Variants in GAS7 observed in about 807,000 individuals in gnomAD.
The protein encoded by GAS7 is growth arrest-specific protein 7.
In GAS7, 28 loss-of-function variants were observed where a neutral mutation model predicts 71.1. That is an observed-to-expected ratio of 0.39 (90% CI 0.29 to 0.54). GAS7 has a LOEUF of 0.54. GAS7 is among the 20% of genes least tolerant of loss of function. The pLI is 0.62. For missense variants in GAS7, 436 were observed against 627.8 expected, an observed-to-expected ratio of 0.69 and a Z score of 3.27; for synonymous variants, 258 against 245.8, an observed-to-expected ratio of 1.05 and a Z score of -0.46.
chr17:10,124,575 C>T (rs1015958734), intron 1 of GAS7, among the ~76,000 whole-genome samples: 3 of 152,154 alleles, frequency 2.0e-5, no homozygotes, highest in African/African-American at 7.2e-5. Flanking sequence ...GCTTAGCCAG[C>T]GAATGGGGCA....
chr17:10,071,456 C>T (rs1451285152), intron 1 of GAS7, among the ~76,000 whole-genome samples: 2 of 152,090 alleles, frequency 1.3e-5, no homozygotes, highest in African/African-American at 4.8e-5. Flanking sequence ...CAGAGAACAG[C>T]CAGACATGAG....
intron 2 of GAS7, among the ~76,000 whole-genome samples, chr17:10,019,039 G>C (rs2072155495): frequency 6.6e-6 from 1 of 152,152 alleles, no homozygotes; most frequent in South Asian, 2.1e-4. Flanking sequence ...GCCTGCAACA[G>C]TGCCCTTTGC....
At chr17:10,165,994 GCTTT>G (rs929343387) in intron 1 of GAS7, among the ~76,000 whole-genome samples, 3 of 150,368 alleles carry the variant, frequency 2.0e-5, no homozygotes, top group South Asian at 2.1e-4. Flanking sequence ...AGGACTCCTG[GCTTT>G]CTTTTTCTTT....
intron 3 of GAS7, among the ~76,000 whole-genome samples, chr17:9,976,915 C>A (rs2152124320): frequency 6.6e-6 from 1 of 152,298 alleles, no homozygotes; most frequent in South Asian, 2.1e-4. Context: ...GCCACAGATG[C>A]CTATTTGAAT....
At chr17:10,091,299 G>A (rs2073578878) in intron 1 of GAS7, among the ~76,000 whole-genome samples, 1 of 152,146 alleles carries the variant, frequency 6.6e-6, no homozygotes, top group South Asian at 2.1e-4. Context: ...TGATGAAAAT[G>A]TTTGGAATGA....
chr17:10,040,381 A>G (rs1331572537), intron 1 of GAS7, among the ~76,000 whole-genome samples: 1 of 152,188 alleles, frequency 6.6e-6, no homozygotes, highest in Non-Finnish European at 1.5e-5. Flanking sequence ...GCATCAGATC[A>G]TGGGAGGCCA....
chr17:10,191,539 G>C (rs1297288805), intron 1 of GAS7, among the ~76,000 whole-genome samples: 1 of 119,680 alleles, frequency 8.4e-6, no homozygotes, highest in Non-Finnish European at 1.7e-5. Flanking sequence ...CTGGGCAACA[G>C]AGCAAGACCC....
chr17:10,104,526 C>G (rs1249297611), intron 1 of GAS7, among the ~76,000 whole-genome samples: 1 of 152,206 alleles, frequency 6.6e-6, no homozygotes, highest in Non-Finnish European at 1.5e-5. Flanking sequence ...CCTGTCCCAG[C>G]TCTCCAGACC....
In GAS7 at chr17:9,912,207, A is replaced by G. The variant is rs2067457630; in HGVS notation, c.*5021T>C. ...TAATTTTAGCTCCATTTGAATCTAA[A>G]TGGAAAAGTACCACGGCATCTCTCT... On this transcript the variant is annotated 3_prime_UTR_variant, in exon 14 of 14. Transcript: ENST00000432992. The G allele has an allele frequency of 1.7e-5, 4 of 232,776 alleles. No individual in the cohort carries two copies. The East Asian group carries it at 2.4e-4, about 14-fold the overall frequency. The allele number at this position is 232,776 out of a possible 1,614,324, so 14.4% of individuals were successfully genotyped here.
intron 2 of GAS7, among the ~76,000 whole-genome samples, chr17:10,018,680 C>G (rs2072137276): frequency 6.6e-6 from 1 of 152,142 alleles, no homozygotes; most frequent in Non-Finnish European, 1.5e-5. Context: ...AAACCAGCTG[C>G]CTTCTTTGTG....
intron 2 of GAS7, among the ~76,000 whole-genome samples, chr17:9,992,640 C>T (rs765827235): frequency 5.3e-5 from 8 of 150,958 alleles, no homozygotes; most frequent in African/African-American, 1.9e-4. Context: ...TTTTAGGGTA[C>T]ATGTGCACAA....
At chr17:10,164,683 A>C (rs1014227744) in intron 1 of GAS7, among the ~76,000 whole-genome samples, 2 of 151,236 alleles carry the variant, frequency 1.3e-5, no homozygotes, top group Non-Finnish European at 2.9e-5. Context: ...CTCTCTTTAA[A>C]AATGAAAAAA....
At chr17:10,015,926 T>C (rs1286399809) in intron 2 of GAS7, among the ~76,000 whole-genome samples, 5 of 152,112 alleles carry the variant, frequency 3.3e-5, no homozygotes, top group Admixed American at 3.3e-4. Context: ...TCCTGATTGA[T>C]CAAATAGGTT....
intron 1 of GAS7, among the ~76,000 whole-genome samples, chr17:10,023,053 G>A (rs911988608): frequency 6.6e-6 from 1 of 152,150 alleles, no homozygotes; most frequent in Admixed American, 6.5e-5. Context: ...GAGGTCTCCC[G>A]CAACGAGGAA....
At chr17:9,979,882 A>C (rs944485604) in intron 3 of GAS7, among the ~76,000 whole-genome samples, 2 of 151,170 alleles carry the variant, frequency 1.3e-5, no homozygotes, top group Non-Finnish European at 2.9e-5. Context: ...AAAAAACACA[A>C]GAACAACATT....
intron 1 of GAS7, among the ~76,000 whole-genome samples, chr17:10,108,093 T>A (rs894788322): frequency 6.6e-6 from 1 of 152,068 alleles, no homozygotes; most frequent in African/African-American, 2.4e-5. Flanking sequence ...AGAGAATCAC[T>A]GTACCACAGT....
intron 2 of GAS7, among the ~76,000 whole-genome samples, chr17:10,007,088 G>C (rs763223241): frequency 5.3e-5 from 8 of 152,174 alleles, no homozygotes; most frequent in Non-Finnish European, 1.2e-4. Context: ...AATCATATTT[G>C]ACTATGCCTC....
At chr17:10,133,122 A>ATATATATATATATATTTTT (rs1392845338) in intron 1 of GAS7, among the ~76,000 whole-genome samples, 2 of 118,886 alleles carry the variant, frequency 1.7e-5, no homozygotes, top group African/African-American at 6.1e-5. Context: ...ATATTTTTAT[A>ATATATATATATATATTTTT]TTTTTTTTTT....
At chr17:10,109,035 T>C (rs1051988671) in intron 1 of GAS7, among the ~76,000 whole-genome samples, 1 of 151,994 alleles carries the variant, frequency 6.6e-6, no homozygotes, top group African/African-American at 2.4e-5. Flanking sequence ...GGAAAGACAA[T>C]CTATTGAATG....
Sources: gnomAD v4.1 joint callset for allele counts (sites outside exome capture counted in the v4.1 genomes callset) on GRCh38, gnomAD v4.1.1 for gene constraint, MANE v1.5 for transcripts, NCBI Gene and HGNC (gene_info 2026-07-23, HGNC 2026-07-21) for gene names.